Variants in PRMT8 observed in about 807,000 individuals in gnomAD.
The protein encoded by PRMT8 is protein arginine N-methyltransferase 8.
In PRMT8, 7 loss-of-function variants were observed where a neutral mutation model predicts 47.1. The observed-to-expected ratio is 0.15, with a 90% confidence interval of 0.08 to 0.28. The LOEUF is 0.28. Among genes scored for constraint, PRMT8 ranks in the 10% least tolerant of loss-of-function variants. The pLI, the probability that PRMT8 is intolerant of heterozygous loss-of-function variation, is 1.00. For missense variants in PRMT8, 237 were observed against 505.4 expected (o/e 0.47, Z 5.09); for synonymous variants, 188 against 186.5 (o/e 1.01, Z -0.07).
rs187886283 is a variant in PRMT8, at chr12:3,443,543, G to A, written c.48+62101G>A. 2.2e-3 allele frequency among the ~76,000 whole-genome samples: 331 copies of A among 152,104 alleles called. 3 individuals carry two copies. The highest frequency in any genetic ancestry group is 4.0e-4 in the Non-Finnish European group (27 of 67,988). ...ATACACTTCCCTCCCTTTCCACTAC[G>A]TCCAGCCTGGCCAAAGCCACCATCA... On this transcript the variant is annotated intron_variant, in intron 1 of 9. Transcript: ENST00000452611.
intron 1 of PRMT8, among the ~76,000 whole-genome samples, chr12:3,468,682 T>G (rs1453271229): frequency 6.6e-6 from 1 of 152,218 alleles, no homozygotes; most frequent in Non-Finnish European, 1.5e-5. Context: ...ATGAAATGAA[T>G]GAGTCTCAGA....
chr12:3,446,074 C>G (rs1433610714), intron 1 of PRMT8, among the ~76,000 whole-genome samples: 4 of 152,146 alleles, frequency 2.6e-5, no homozygotes, highest in Admixed American at 6.5e-5. Flanking sequence ...CCCACTCCCC[C>G]TCCCCACCCT....
At position 3,553,170 on chromosome 12, in the gene PRMT8, C is replaced by T. The variant is rs567875463; in HGVS notation, c.418-481C>T. On this transcript the variant is annotated intron_variant, in intron 3 of 9. Coordinates refer to ENST00000382622, the MANE Select transcript of PRMT8 (RefSeq NM_019854.5). ...GGGAAGAGAAAGATCTTAAACCAGC[C>T]CTGAGGTCTTGACCTGGCTTTTTCC... 8.0e-5 allele frequency: 17 copies of T among 212,862 alleles called. No individual in the cohort carries two copies. In the South Asian group the frequency reaches 1.4e-3, roughly 17 times the overall value. 13.2% of individuals were successfully genotyped at this position (212,862 alleles called of 1,614,324 possible).
intron 1 of PRMT8, among the ~76,000 whole-genome samples, chr12:3,440,332 C>T (rs543015128): frequency 9.9e-5 from 15 of 152,092 alleles, no homozygotes; most frequent in African/African-American, 3.1e-4. Flanking sequence ...CATGGCAGCA[C>T]GCGGCTGTAG....
intron 7 of PRMT8, among the ~76,000 whole-genome samples, chr12:3,579,951 A>G (rs1422459153): frequency 1.3e-5 from 2 of 152,054 alleles, no homozygotes; most frequent in Non-Finnish European, 2.9e-5. Context: ...TTTCTGCTGC[A>G]GAAAAGAGGA....
intron 1 of PRMT8, 90 bp from the exon 2 acceptor site, chr12:3,540,516 C>T: frequency 1.1e-6 from 1 of 879,134 alleles, no homozygotes; most frequent in Non-Finnish European, 1.8e-6. Context: ...AGGCCGGGCT[C>T]AGGGAGGGGG....
chr12:3,483,181 G>C (rs1214496101), intron 1 of PRMT8, among the ~76,000 whole-genome samples: 1 of 152,214 alleles, frequency 6.6e-6, no homozygotes, highest in Non-Finnish European at 1.5e-5. Context: ...ACACAGCACA[G>C]CACCCGGTCC....
chr12:3,497,886 A>G (rs540209766), intron 1 of PRMT8, among the ~76,000 whole-genome samples: 3 of 152,326 alleles, frequency 2.0e-5, no homozygotes, highest in South Asian at 2.1e-4. Context: ...AAGTCAGGAG[A>G]TAGGAACTAC....
rs953892621 is a variant in PRMT8, at chr12:3,564,077, G to C, written c.482-4629G>C. On this transcript the variant is annotated intron_variant, in intron 4 of 9. Transcript: ENST00000382622. The surrounding 1 kb of genome is among the most constrained non-coding windows in gnomAD (Gnocchi z 4.0). ...ACGAAGAGAAGGAATGCATACGCTG[G>C]AGGTGAGCCGGGCCCTCCGCAGGTG... Among the ~76,000 whole-genome samples, 1 of 152,190 alleles carries C rather than the reference G, an allele frequency of 6.6e-6. No individual in the cohort carries two copies. Among genetic ancestry groups the C allele is most frequent in the African/African-American group, 2.4e-5 (1 of 41,432 alleles).
intron 1 of PRMT8, among the ~76,000 whole-genome samples, chr12:3,482,647 A>G: frequency 6.6e-6 from 1 of 152,212 alleles, no homozygotes; most frequent in Non-Finnish European, 1.5e-5. Context: ...AGCCATTGTC[A>G]GGCTGACAGA....
chr12:3,397,548 TGAG>T (rs1864267368), intron 1 of PRMT8, among the ~76,000 whole-genome samples: 1 of 151,404 alleles, frequency 6.6e-6, no homozygotes. Context: ...GGGACCCACT[TGAG>T]GAGGCAGTCT....
intron 1 of PRMT8, among the ~76,000 whole-genome samples, chr12:3,426,593 G>A (rs1864606537): frequency 6.6e-6 from 1 of 152,212 alleles, no homozygotes; most frequent in Admixed American, 6.5e-5. Context: ...GACTTGGCAA[G>A]TCCCCACAGG....
intron 1 of PRMT8, among the ~76,000 whole-genome samples, chr12:3,537,474 G>T (rs969764117): frequency 6.6e-6 from 1 of 152,064 alleles, no homozygotes; most frequent in African/African-American, 2.4e-5. Flanking sequence ...TTTATCATTT[G>T]CCTTTTAATT....
intron 1 of PRMT8, among the ~76,000 whole-genome samples, chr12:3,528,844 G>T (rs1486071202): frequency 6.6e-6 from 1 of 152,102 alleles, no homozygotes; most frequent in African/African-American, 2.4e-5. Flanking sequence ...TTAAGCTTTG[G>T]TGGGATTTGA....
intron 1 of PRMT8, among the ~76,000 whole-genome samples, chr12:3,421,387 T>C (rs1864539029): frequency 6.6e-6 from 1 of 152,108 alleles, no homozygotes; most frequent in African/African-American, 2.4e-5. Flanking sequence ...AGAAGCAGAT[T>C]CCCTTGCTCT....
intron 8 of PRMT8, 96 bp from the exon 9 acceptor site, chr12:3,592,135 A>G: frequency 7.2e-7 from 1 of 1,394,040 alleles, no homozygotes; most frequent in Admixed American, 2.8e-5. Flanking sequence ...TCCCAGGGGA[A>G]GCCCAGCAAC....
Position 3,409,813 on chromosome 12 carries a change from T to A in PRMT8, c.48+28371T>A, listed in dbSNP as rs1320555786. Among the ~76,000 whole-genome samples, 3 of 152,248 alleles carry A rather than the reference T, an allele frequency of 2.0e-5. No individual in the cohort carries two copies. The East Asian group carries it at 5.8e-4, about 29-fold the overall frequency. On this transcript the variant is annotated intron_variant, in intron 1 of 9. Coordinates refer to the PRMT8 transcript ENST00000452611. The surrounding 1 kb of genome is among the most constrained non-coding windows in gnomAD (Gnocchi z 4.4). ...CTGCTCTGGGTAGCTAAGGCAGGGA[T>A]TCCCTGGGAATCCACAGTGCCTCAT...
upstream of PRMT8, among the ~76,000 whole-genome samples, chr12:3,488,268 T>G (rs1865340739): frequency 6.6e-6 from 1 of 152,226 alleles, no homozygotes; most frequent in African/African-American, 2.4e-5. Flanking sequence ...TTAACTCATG[T>G]GCCTAGGACA....
chr12:3,555,139 G>A (rs571895429), intron 4 of PRMT8, among the ~76,000 whole-genome samples: 1 of 152,362 alleles, frequency 6.6e-6, no homozygotes, highest in South Asian at 2.1e-4. Flanking sequence ...GACAGGTAAA[G>A]TCCCTGACCT....
Sources: allele counts gnomAD v4.1 joint callset (sites outside exome capture counted in the v4.1 genomes callset), GRCh38; gene constraint gnomAD v4.1.1; non-coding constraint Gnocchi (gnomAD v3.1); transcripts MANE v1.5; gene names NCBI Gene and HGNC (gene_info 2026-07-23, HGNC 2026-07-21).